Variants in EYS observed in about 807,000 individuals in gnomAD.
EYS encodes protein eyes shut homolog.
Under a neutral mutation model 282.1 loss-of-function variants are expected in EYS, and 250 were observed. The observed-to-expected ratio is 0.89, with a 90% CI of 0.80 to 0.98. The LOEUF is 0.98. Ranked by LOEUF, EYS falls within the 50% of genes least tolerant of loss-of-function variation. The pLI is 0.00. For synonymous variants in EYS, 1,355 were observed against 1,282.9 expected, an observed-to-expected ratio of 1.06 and a Z score of -1.20; for missense variants, 4,016 against 3,709.0, an observed-to-expected ratio of 1.08 and a Z score of -2.15.
Position 65,438,619 on chromosome 6 carries a change from A to AT in EYS, c.863-33253dup, listed in dbSNP as rs1017734982. ...TCTCTGATGGCCAGTGATGATGAGC[A>AT]TTTTTTTCATGTGTCTGTTGGCTGC... On this transcript the variant is annotated intron_variant, in intron 5 of 42. Transcript: ENST00000503581. Among the ~76,000 whole-genome samples the AT allele has an allele frequency of 6.8e-4, 104 of 151,838 alleles. 1 individual carries two copies. Among genetic ancestry groups the AT allele is most frequent in the Non-Finnish European group, 3.7e-4 (25 of 67,918 alleles).
intron 30 of EYS, among the ~76,000 whole-genome samples, chr6:64,301,263 T>C (rs2150372572): frequency 6.6e-6 from 1 of 152,330 alleles, no homozygotes; most frequent in East Asian, 1.9e-4. Context: ...GCCTACCTAC[T>C]GATAGGTTGC....
chr6:63,999,112 A>G lies in EYS; in HGVS notation c.6797T>C (p.Val2266Ala). 6.4e-7 allele frequency: 1 copy of G among 1,551,872 alleles called. No individual in the cohort carries two copies. The highest frequency in any genetic ancestry group is 8.7e-7 in the Non-Finnish European group (1 of 1,146,908). ...GGAAATCTCTGTGTCTTTCTTCTGT[A>G]CTGGAGGTTTTCCATCTGCAGTCAT... Reference protein sequence around the residue: ...IEMTADGKPPVQKKDTEISHA... With the variant: ...IEMTADGKPPAQKKDTEISHA... Residue 2266 changes from valine to alanine, a missense_variant, in exon 34 of 43, where the codon GTA becomes GCA. By Grantham distance (64) the Val-to-Ala change is moderately conservative (BLOSUM62 0). Transcript: ENST00000503581.
At chr6:65,626,549 T>C (rs903375530) in intron 2 of EYS, among the ~76,000 whole-genome samples, 3 of 152,168 alleles carry the variant, frequency 2.0e-5, no homozygotes, top group African/African-American at 4.8e-5. Flanking sequence ...ACTCCCTGTA[T>C]AATTGAATCT....
At chr6:65,478,574 G>A (rs1194584043) in intron 5 of EYS, among the ~76,000 whole-genome samples, 1 of 151,980 alleles carries the variant, frequency 6.6e-6, no homozygotes, top group Non-Finnish European at 1.5e-5. Context: ...CCATTTACTG[G>A]TTTCCTCATT....
chr6:65,273,481 G>A (rs1016449199), intron 12 of EYS, among the ~76,000 whole-genome samples: 3 of 152,258 alleles, frequency 2.0e-5, no homozygotes, highest in South Asian at 2.1e-4. Context: ...TACCTAGCAA[G>A]CTCACTTCAA....
chr6:64,502,900 T>G (rs946220910), intron 26 of EYS, among the ~76,000 whole-genome samples: 6 of 152,214 alleles, frequency 3.9e-5, no homozygotes, highest in South Asian at 2.1e-4. Context: ...CATCAAAGCA[T>G]AGTTTCTCAT....
intron 22 of EYS, among the ~76,000 whole-genome samples, chr6:64,766,255 G>T (rs1773329598): frequency 6.6e-6 from 1 of 151,248 alleles, no homozygotes; most frequent in African/African-American, 2.4e-5. Flanking sequence ...TCCCTGATCT[G>T]CCCTTCTCCT....
intron 7 of EYS, among the ~76,000 whole-genome samples, chr6:65,394,768 T>A (rs1766208725): frequency 6.6e-6 from 1 of 152,174 alleles, no homozygotes; most frequent in African/African-American, 2.4e-5. Context: ...TTTCATATTC[T>A]TCTTAGGAAT....
chr6:64,597,703 T>G (rs1436528671), intron 24 of EYS, among the ~76,000 whole-genome samples: 1 of 136,862 alleles, frequency 7.3e-6, no homozygotes, highest in African/African-American at 2.7e-5. Flanking sequence ...ACTGGAGACT[T>G]AAAAGGGTGG....
chr6:65,189,403 G>C (rs1478083711), intron 12 of EYS, among the ~76,000 whole-genome samples: 1 of 151,664 alleles, frequency 6.6e-6, no homozygotes, highest in East Asian at 1.9e-4. Flanking sequence ...AAAGAAATAA[G>C]AGCAGCCACA....
chr6:64,400,949 T>C (rs892911607), intron 28 of EYS, among the ~76,000 whole-genome samples: 1 of 152,038 alleles, frequency 6.6e-6, no homozygotes, highest in African/African-American at 2.4e-5. Flanking sequence ...AAGAAAAATT[T>C]AGTGAGCCAT....
intron 29 of EYS, chr6:64,377,706 T>C (rs1772604517): frequency 6.6e-6 from 1 of 152,152 alleles, no homozygotes; most frequent in South Asian, 2.1e-4. Flanking sequence ...TTTTGATTTT[T>C]TTTTAATGAA....
At chr6:64,824,203 A>G (rs1033431762) in intron 19 of EYS, among the ~76,000 whole-genome samples, 7 of 151,918 alleles carry the variant, frequency 4.6e-5, no homozygotes, top group Admixed American at 2.6e-4. Flanking sequence ...GTCATATGAC[A>G]TAAAATACAG....
chr6:64,624,775 A>G (rs1355613657), intron 23 of EYS, among the ~76,000 whole-genome samples: 4 of 152,248 alleles, frequency 2.6e-5, no homozygotes, highest in East Asian at 1.9e-4. Flanking sequence ...TCTCATGGCT[A>G]TTATTTCCGT....
At chr6:64,342,713 CA>C (rs1771175658) in intron 29 of EYS, among the ~76,000 whole-genome samples, 1 of 151,952 alleles carries the variant, frequency 6.6e-6, no homozygotes. Flanking sequence ...TCACACATAA[CA>C]ATACTAACCT....
intron 19 of EYS, among the ~76,000 whole-genome samples, chr6:64,885,699 A>G (rs1767064032): frequency 6.6e-6 from 1 of 151,836 alleles, no homozygotes; most frequent in Non-Finnish European, 1.5e-5. Context: ...GTTTTTGTGT[A>G]TATGAGATTT....
intron 11 of EYS, chr6:65,330,299 C>A: frequency 1.0e-6 from 1 of 960,872 alleles, no homozygotes; most frequent in African/African-American, 1.8e-5. Flanking sequence ...ATATTTCATT[C>A]TGTTATGATA....
chr6:65,539,969 T>A (rs547139081), intron 2 of EYS, among the ~76,000 whole-genome samples: 1 of 152,356 alleles, frequency 6.6e-6, no homozygotes, highest in Admixed American at 6.5e-5. Flanking sequence ...CGCAGCCATC[T>A]GTGAAGCCTT....
intron 19 of EYS, among the ~76,000 whole-genome samples, chr6:64,875,702 C>T (rs1766728761): frequency 6.6e-6 from 1 of 151,988 alleles, no homozygotes; most frequent in South Asian, 2.1e-4. Context: ...TTTTTGGTAC[C>T]ACTGGTCTTT....
Sources: allele counts gnomAD v4.1 joint callset (sites outside exome capture counted in the v4.1 genomes callset), GRCh38; gene constraint gnomAD v4.1.1; transcripts MANE v1.5; gene names NCBI Gene and HGNC (gene_info 2026-07-23, HGNC 2026-07-21).